MAGI2: variants seen among roughly 807,000 people sequenced by gnomAD.
MAGI2 encodes membrane-associated guanylate kinase, WW and PDZ domain-containing protein 2.
Under a neutral mutation model 133.3 loss-of-function variants are expected in MAGI2, and 35 were observed. The observed-to-expected ratio is 0.26, with a 90% CI of 0.20 to 0.35. The LOEUF (loss-of-function observed/expected upper bound fraction) is 0.35, where lower values mean the gene tolerates loss of function less well. Among genes scored for constraint, MAGI2 ranks in the 10% least tolerant of loss-of-function variants. The pLI, the probability that MAGI2 is intolerant of heterozygous loss-of-function variation, is 1.00. For missense variants in MAGI2, 1,636 were observed against 1,863.4 expected, an observed-to-expected ratio of 0.88 and a Z score of 2.25; for synonymous variants, 729 against 710.6, an observed-to-expected ratio of 1.03 and a Z score of -0.41.
chr7:78,458,766 G>C (rs551726968), intron 6 of MAGI2, among the ~76,000 whole-genome samples: 26 of 151,910 alleles, frequency 1.7e-4, no homozygotes, highest in South Asian at 8.3e-4. Flanking sequence ...TCCCGAGTAG[G>C]TGGGACTACA....
At chr7:78,816,792 A>G (rs1011507524) in intron 2 of MAGI2, among the ~76,000 whole-genome samples, 1 of 152,218 alleles carries the variant, frequency 6.6e-6, no homozygotes, top group African/African-American at 2.4e-5. Context: ...TGGTCACCCA[A>G]GAACTCTGTT....
At chr7:78,497,944 GT>G (rs1794275684) in intron 5 of MAGI2, among the ~76,000 whole-genome samples, 1 of 152,256 alleles carries the variant, frequency 6.6e-6, no homozygotes, top group East Asian at 1.9e-4. Context: ...CAAGAGAAAA[GT>G]TTTTACTGAT....
intron 6 of MAGI2, among the ~76,000 whole-genome samples, chr7:78,488,452 G>T (rs1397317655): frequency 6.6e-6 from 1 of 151,956 alleles, no homozygotes; most frequent in Non-Finnish European, 1.5e-5. Flanking sequence ...ACTTTAATTA[G>T]GATATATTAA....
intron 1 of MAGI2, chr7:79,410,489 T>G (rs1359478499): frequency 2.6e-5 from 4 of 152,088 alleles, no homozygotes; most frequent in Admixed American, 2.6e-4. Flanking sequence ...AAGAATTCTC[T>G]CTCTTGAGTA....
At chr7:78,932,619 T>C (rs940428125) in intron 2 of MAGI2, among the ~76,000 whole-genome samples, 1 of 151,914 alleles carries the variant, frequency 6.6e-6, no homozygotes, top group Admixed American at 6.6e-5. Flanking sequence ...ATGCAGATCA[T>C]GAAATAAGCA....
At chr7:78,693,991 T>C (rs1281594037) in intron 2 of MAGI2, among the ~76,000 whole-genome samples, 3 of 152,110 alleles carry the variant, frequency 2.0e-5, no homozygotes, top group South Asian at 2.1e-4. Context: ...AAGGAAAGGA[T>C]TGGGGACAGT....
chr7:78,109,328 A>AG (rs1819094921), intron 20 of MAGI2, among the ~76,000 whole-genome samples: 1 of 136,282 alleles, frequency 7.3e-6, no homozygotes. Flanking sequence ...AAAAAAAAAA[A>AG]AAAAAAGAAA....
chr7:78,629,752 C>A (rs1808763862), intron 2 of MAGI2, among the ~76,000 whole-genome samples: 1 of 152,096 alleles, frequency 6.6e-6, no homozygotes, highest in South Asian at 2.1e-4. Context: ...CCAACATTTT[C>A]TATATTCAAC....
chr7:78,133,413 C>T (rs767903842), intron 17 of MAGI2, among the ~76,000 whole-genome samples: 8 of 152,080 alleles, frequency 5.3e-5, no homozygotes, highest in South Asian at 2.1e-4. Context: ...AAAATGGATC[C>T]GCCACCAGTT....
At chr7:79,198,843 G>A (rs1366832495) in intron 1 of MAGI2, among the ~76,000 whole-genome samples, 1 of 151,760 alleles carries the variant, frequency 6.6e-6, no homozygotes, top group East Asian at 1.9e-4. Context: ...AACAGAGATC[G>A]TGCCACTGCA....
At position 78,346,508 on chromosome 7, in the gene MAGI2, T is replaced by C. The variant is rs543019599; in HGVS notation, c.1104-465A>G. Among the ~76,000 whole-genome samples the C allele has an allele frequency of 1.1e-3, 172 of 152,178 alleles. 1 individual carries two copies. Among genetic ancestry groups the C allele is most frequent in the Middle Eastern group, 3.4e-3 (1 of 294 alleles). Reference sequence around the variant, plus strand: ...CAACCAGAGTCTGCACTTTTTAGAGTTGGTCCTGGATTGAGAGACTGGGAT... The same window carrying C: ...CAACCAGAGTCTGCACTTTTTAGAGCTGGTCCTGGATTGAGAGACTGGGAT... On this transcript the variant is annotated intron_variant, in intron 7 of 21. Transcript: ENST00000354212.
At chr7:78,829,725 A>T (rs970663556) in intron 2 of MAGI2, among the ~76,000 whole-genome samples, 4 of 152,092 alleles carry the variant, frequency 2.6e-5, no homozygotes, top group Non-Finnish European at 5.9e-5. Flanking sequence ...AATTTTTCAC[A>T]TAGAGCTGAC....
At chr7:78,042,598 C>T (rs545683496) in intron 21 of MAGI2, among the ~76,000 whole-genome samples, 55 of 152,292 alleles carry the variant, frequency 3.6e-4, no homozygotes, top group African/African-American at 1.3e-3. Context: ...CCTTGGTTTT[C>T]TTATTAGCAA....
chr7:78,555,684 T>C (rs1156536160), intron 3 of MAGI2, among the ~76,000 whole-genome samples: 1 of 152,160 alleles, frequency 6.6e-6, no homozygotes, highest in Non-Finnish European at 1.5e-5. Context: ...TCATTATTTA[T>C]AGGGTGCTAA....
At chr7:78,790,239 C>T (rs887590439) in intron 2 of MAGI2, among the ~76,000 whole-genome samples, 5 of 152,044 alleles carry the variant, frequency 3.3e-5, no homozygotes, top group Admixed American at 1.3e-4. Flanking sequence ...TACACATAGG[C>T]ATGAAAGTGG....
chr7:79,446,809 G>A (rs554928452), intron 1 of MAGI2, among the ~76,000 whole-genome samples: 1 of 152,076 alleles, frequency 6.6e-6, no homozygotes, highest in Non-Finnish European at 1.5e-5. Context: ...ACATTAACCG[G>A]GCGTGGATGG....
At chr7:78,419,951 A>C (rs142067799) in intron 6 of MAGI2, among the ~76,000 whole-genome samples, 1 of 152,274 alleles carries the variant, frequency 6.6e-6, no homozygotes, top group East Asian at 1.9e-4. Context: ...CAGTGTAAGC[A>C]GGCATTAAAG....
chr7:79,352,196 C>T (rs848935), intron 1 of MAGI2, among the ~76,000 whole-genome samples: 26 of 152,144 alleles, frequency 1.7e-4, no homozygotes, highest in Non-Finnish European at 3.2e-4. Context: ...AATAAACCTT[C>T]GGATTTTCAT....
intron 2 of MAGI2, among the ~76,000 whole-genome samples, chr7:78,759,943 T>C (rs968037660): frequency 2.0e-5 from 3 of 152,126 alleles, no homozygotes; most frequent in South Asian, 2.1e-4. Flanking sequence ...CCGGCCAATA[T>C]GTCTCTACTA....
Sources: gnomAD v4.1 joint callset for allele counts (sites outside exome capture counted in the v4.1 genomes callset) on GRCh38, gnomAD v4.1.1 for gene constraint, MANE v1.5 for transcripts, NCBI Gene and HGNC (gene_info 2026-07-23, HGNC 2026-07-21) for gene names.